FOXP4: variants seen among roughly 807,000 people sequenced by gnomAD.
FOXP4 encodes the protein forkhead box P4.
FOXP4 carries 25 observed loss-of-function variants against 82.6 expected under a neutral mutation model. The ratio of observed to expected loss-of-function variants is 0.30; its 90% CI spans 0.22 to 0.42. The LOEUF is 0.42. Among genes scored for constraint, FOXP4 ranks in the 10% least tolerant of loss-of-function variants. FOXP4 has a pLI of 1.00. For synonymous variants in FOXP4, 415 were observed against 388.2 expected (o/e 1.07, Z -0.81); for missense variants, 785 against 900.9 (o/e 0.87, Z 1.65).
chr6:41,572,976 A>G (rs1765281588), intron 2 of FOXP4, among the ~76,000 whole-genome samples: 1 of 152,156 alleles, frequency 6.6e-6, no homozygotes, highest in Non-Finnish European at 1.5e-5. Context: ...ATGACCCACT[A>G]CTGGGCCATG....
intron 14 of FOXP4, among the ~76,000 whole-genome samples, chr6:41,596,856 G>C (rs548572877): frequency 2.6e-5 from 4 of 152,092 alleles, no homozygotes; most frequent in East Asian, 1.9e-4. Context: ...GAAAACGGGT[G>C]GGGGGGCAGC....
In FOXP4 at chr6:41,593,365, G is replaced by A. The variant is rs547012448; in HGVS notation, c.1537-1505G>A. Among the ~76,000 whole-genome samples, 1 of 152,306 alleles carries A rather than the reference G, an allele frequency of 6.6e-6. No homozygotes were observed. The highest frequency in any genetic ancestry group is 2.4e-5 in the African/African-American group (1 of 41,574). ...CAGCTGCCGTTCATCCAGGGACAGAGCTGCCATCTGCCAAGCTGATGGTCC... is the reference window on the plus strand; with the variant it reads ...CAGCTGCCGTTCATCCAGGGACAGAACTGCCATCTGCCAAGCTGATGGTCC... On this transcript the variant is annotated intron_variant, in intron 13 of 16. Transcript: ENST00000307972. This position sits in a 1 kb window ranked among gnomAD's most constrained non-coding sequence, Gnocchi z 4.1.
At chr6:41,579,326 A>G (rs1012084189) in intron 3 of FOXP4, among the ~76,000 whole-genome samples, 3 of 152,174 alleles carry the variant, frequency 2.0e-5, no homozygotes, top group Non-Finnish European at 4.4e-5. Flanking sequence ...AATGAGATCT[A>G]AAAGGTTCTC....
At chr6:41,562,445 C>A (rs1015214831) in intron 1 of FOXP4, among the ~76,000 whole-genome samples, 2 of 152,148 alleles carry the variant, frequency 1.3e-5, no homozygotes, top group Non-Finnish European at 2.9e-5. Flanking sequence ...TTATTATACA[C>A]CACATTGCAG....
intron 1 of FOXP4, among the ~76,000 whole-genome samples, chr6:41,551,438 C>A: frequency 6.6e-6 from 1 of 152,182 alleles, no homozygotes; most frequent in East Asian, 1.9e-4. Flanking sequence ...TGGATGGTAG[C>A]CATACAGCCG....
chr6:41,581,628 A>G (rs1174617447), intron 3 of FOXP4, among the ~76,000 whole-genome samples: 2 of 152,214 alleles, frequency 1.3e-5, no homozygotes, highest in African/African-American at 2.4e-5. Context: ...CAGACCCCCA[A>G]GGGGCACAAG....
intron 14 of FOXP4, among the ~76,000 whole-genome samples, chr6:41,595,487 G>A (rs1766779049): frequency 1.3e-5 from 2 of 152,272 alleles, no homozygotes; most frequent in African/African-American, 4.8e-5. Context: ...TTGTGGCAGA[G>A]CTGGTTCCAG....
intron 1 of FOXP4, among the ~76,000 whole-genome samples, chr6:41,561,424 C>T (rs1581713788): frequency 6.6e-6 from 1 of 152,154 alleles, no homozygotes; most frequent in East Asian, 1.9e-4. Context: ...CCAATCCCTA[C>T]CTTATTGTAT....
At position 41,599,193 on chromosome 6, in the gene FOXP4, C is replaced by A. The variant is rs1480092659; in HGVS notation, c.*257C>A. The A allele has an allele frequency of 2.3e-5, 8 of 346,188 alleles. No homozygotes were observed. In the East Asian group the frequency reaches 2.8e-4, roughly 12 times the overall value. The allele number at this position is 346,188 out of a possible 1,614,324, so 21.4% of individuals were successfully genotyped here. A position where few individuals can be genotyped will look rare whatever the true frequency, so the allele number is the denominator to read the frequency against. ...GGTTCAGACCCCTCCTCAGACCCTC[C>A]CCACATCTGAAACTGCCTCCCCCCA... is the stretch of plus-strand genomic sequence containing the variant. On this transcript the variant is annotated 3_prime_UTR_variant, in exon 17 of 17. Transcript: ENST00000307972.
rs1764394848 is a variant in FOXP4, at chr6:41,558,380, T to A, written c.-16-7365T>A. 1.3e-5 allele frequency among the ~76,000 whole-genome samples: 2 copies of A among 152,106 alleles called. No individual in the cohort carries two copies. Among genetic ancestry groups the A allele is most frequent in the African/African-American group, 2.4e-5 (1 of 41,422 alleles). ...CAAGGGCTGGGAGAGGGGGGTGGGATCAATTTTTAAACCATAGCCCACTCA... is the reference window on the plus strand; with the variant it reads ...CAAGGGCTGGGAGAGGGGGGTGGGAACAATTTTTAAACCATAGCCCACTCA... On this transcript the variant is annotated intron_variant, in intron 1 of 16. Coordinates refer to ENST00000307972, the MANE Select transcript of FOXP4 (RefSeq NM_001012426.2). The surrounding 1 kb of genome is among the most constrained non-coding windows in gnomAD (Gnocchi z 4.0).
At chr6:41,590,192 C>T (rs765552047) in intron 11 of FOXP4, 22 bp downstream of exon 11, 11 of 1,604,700 alleles carry the variant, frequency 6.9e-6, no homozygotes, top group South Asian at 1.1e-5. Context: ...CTGGGGGCTG[C>T]AGGGCGACAG....
intron 3 of FOXP4, among the ~76,000 whole-genome samples, chr6:41,578,503 C>A (rs1271688781): frequency 6.6e-6 from 1 of 152,122 alleles, no homozygotes; most frequent in East Asian, 1.9e-4. Flanking sequence ...TCTGTTGCTG[C>A]AGTCACGTCA....
chr6:41,549,906 C>A (rs900778478), intron 1 of FOXP4, among the ~76,000 whole-genome samples: 1 of 152,218 alleles, frequency 6.6e-6, no homozygotes, highest in African/African-American at 2.4e-5. Flanking sequence ...GCAAGCCCCC[C>A]AGTCCCATCC....
intron 1 of FOXP4, among the ~76,000 whole-genome samples, chr6:41,554,814 T>A (rs1341043189): frequency 1.3e-5 from 2 of 151,074 alleles, no homozygotes; most frequent in African/African-American, 4.9e-5. Flanking sequence ...GAGCCGAGAT[T>A]GTGCCACTGC....
chr6:41,573,811 G>A (rs916753933), intron 2 of FOXP4, among the ~76,000 whole-genome samples: 4 of 152,128 alleles, frequency 2.6e-5, no homozygotes, highest in African/African-American at 7.2e-5. Flanking sequence ...CCCAGCATAC[G>A]GTGGAGCCAG....
rs1264410747 is a variant in FOXP4, at chr6:41,587,230, T to C, written c.659-69T>C. The C allele has an allele frequency of 8.7e-6, 14 of 1,607,462 alleles. No homozygotes were observed. The Admixed American group carries it at 2.2e-4, about 25-fold the overall frequency. ...CCTGTACGCAACAGCTGGCAGCCCC[T>C]GTTCTTGGGGCCAGGTAGAAAGCCG... On this transcript the variant is annotated intron_variant, in intron 6 of 16. Transcript: ENST00000307972.
intron 2 of FOXP4, among the ~76,000 whole-genome samples, chr6:41,571,553 C>T (rs1010596686): frequency 3.4e-4 from 52 of 152,292 alleles, no homozygotes; most frequent in Admixed American, 2.6e-3. Context: ...CGTCTCCCAC[C>T]CACGTGGGCC....
At chr6:41,556,627 G>A (rs781329671) in intron 1 of FOXP4, among the ~76,000 whole-genome samples, 2 of 151,972 alleles carry the variant, frequency 1.3e-5, no homozygotes, top group Admixed American at 6.6e-5. Context: ...CCCGGCAAGC[G>A]AATGGTTTTT....
intron 1 of FOXP4, among the ~76,000 whole-genome samples, chr6:41,557,057 C>T (rs534769557): frequency 1.5e-3 from 233 of 152,342 alleles, no homozygotes; most frequent in African/African-American, 5.4e-3. Context: ...GTTTTGCTCA[C>T]CTCCATTTGC....
Sources: allele counts gnomAD v4.1 joint callset (sites outside exome capture counted in the v4.1 genomes callset), GRCh38; gene constraint gnomAD v4.1.1; non-coding constraint Gnocchi (gnomAD v3.1); transcripts MANE v1.5; gene names NCBI Gene and HGNC (gene_info 2026-07-23, HGNC 2026-07-21).